HK1: variants seen among roughly 807,000 people sequenced by gnomAD.
The protein encoded by HK1 is hexokinase 1.
HK1 carries 28 observed loss-of-function variants against 91.6 expected under a neutral mutation model. That is an observed-to-expected ratio of 0.31 (90% CI 0.23 to 0.42). The LOEUF is 0.42. Among genes scored for constraint, HK1 ranks in the 10% least tolerant of loss-of-function variants. HK1 has a pLI of 1.00. For missense variants in HK1, 770 were observed against 1,219.8 expected (o/e 0.63, Z 5.49); for synonymous variants, 430 against 468.1 (o/e 0.92, Z 1.05).
chr10:69,344,317 C>T (rs1202840608), intron 2 of HK1, among the ~76,000 whole-genome samples: 3 of 152,174 alleles, frequency 2.0e-5, no homozygotes, highest in East Asian at 3.8e-4. Context: ...TTATGGGTCT[C>T]GCAGATACTG....
chr10:69,304,654 C>T (rs1016227042), intron 5 of HK1, among the ~76,000 whole-genome samples: 4 of 152,146 alleles, frequency 2.6e-5, no homozygotes, highest in Non-Finnish European at 5.9e-5. Context: ...AAAGTTAGTT[C>T]AGCCTATGAC....
chr10:69,345,165 C>T (rs1260913825), intron 2 of HK1, among the ~76,000 whole-genome samples: 6 of 152,054 alleles, frequency 3.9e-5, no homozygotes, highest in Admixed American at 1.3e-4. Flanking sequence ...GAGATTTGGA[C>T]GCTGATAAAG....
At chr10:69,283,807 A>AG (rs1844883971) in intron 2 of HK1, among the ~76,000 whole-genome samples, 4 of 150,180 alleles carry the variant, frequency 2.7e-5, no homozygotes, top group Non-Finnish European at 5.9e-5. Context: ...TCAAAAAAAA[A>AG]AAAAAAAAAA....
In HK1 at chr10:69,295,633, G is replaced by A. The variant is rs201626997; in HGVS notation, c.-114G>A. On this transcript the variant is annotated splice_region_variant and 5_prime_UTR_variant, in exon 4 of 22. Transcript: ENST00000360289. Reference sequence around the variant, plus strand: ...TTTACTTGTCCTGTCTTTCTCTAAGGCTACAGCAGCTGAAAAACCAAAACT... The same window carrying A: ...TTTACTTGTCCTGTCTTTCTCTAAGACTACAGCAGCTGAAAAACCAAAACT... The A allele has an allele frequency of 2.5e-6, 4 of 1,606,258 alleles. 1 individual carries two copies. The East Asian group carries it at 8.9e-5, about 36-fold the overall frequency.
intron 8 of HK1, among the ~76,000 whole-genome samples, chr10:69,379,578 A>C (rs1371075981): frequency 1.3e-5 from 2 of 152,112 alleles, no homozygotes; most frequent in African/African-American, 4.8e-5. Context: ...CCATTTCGCC[A>C]CCTGTTCAGA....
chr10:69,346,082 G>A (rs948448198), intron 2 of HK1, among the ~76,000 whole-genome samples: 1 of 152,094 alleles, frequency 6.6e-6, no homozygotes, highest in Non-Finnish European at 1.5e-5. Flanking sequence ...CTGCCCCTTC[G>A]TGTTGTGCCG....
chr10:69,388,899 AG>A (rs560825423), intron 13 of HK1, among the ~76,000 whole-genome samples: 575 of 152,362 alleles, frequency 3.8e-3, no homozygotes, highest in Non-Finnish European at 6.8e-3. Flanking sequence ...TCCAAAGGGA[AG>A]AAGCTATTTG....
intron 2 of HK1, among the ~76,000 whole-genome samples, chr10:69,354,937 T>C (rs1554819107): frequency 4.0e-5 from 6 of 151,826 alleles, no homozygotes; most frequent in Non-Finnish European, 1.5e-5. Context: ...AGCATGGTGG[T>C]GGACACCTGT....
At position 69,369,704 on chromosome 10, in the gene HK1, A is replaced by G; in HGVS notation, c.875+80A>G. On this transcript the variant is annotated intron_variant, in intron 7 of 17. Transcript: ENST00000359426. The surrounding 1 kb of genome is among the most constrained non-coding windows in gnomAD (Gnocchi z 4.4). ...GAAAGATTTGGGATGGGAGATGAAA[A>G]GGGCATAAAGCCAAGTGATCACAAA... The G allele has an allele frequency of 5.3e-6, 7 of 1,313,358 alleles. No homozygotes were observed. Among genetic ancestry groups the G allele is most frequent in the Admixed American group, 1.9e-5 (1 of 51,634 alleles). The allele number at this position is 1,313,358 out of a possible 1,614,324, so 81.4% of individuals were successfully genotyped here. A position where few individuals can be genotyped will look rare whatever the true frequency, so the allele number is the denominator to read the frequency against.
At chr10:69,274,323 C>T (rs149319143) in intron 1 of HK1, among the ~76,000 whole-genome samples, 225 of 152,122 alleles carry the variant, frequency 1.5e-3, no homozygotes, top group African/African-American at 5.3e-3. Flanking sequence ...TTTGCCCAGG[C>T]GCAGTGGCTC....
intron 14 of HK1, 122 bp from the exon 15 acceptor site, chr10:69,392,003 C>A: frequency 1.1e-6 from 1 of 893,510 alleles, no homozygotes; most frequent in Non-Finnish European, 1.8e-6. Flanking sequence ...AAAACTATTA[C>A]TTTGTTCATC....
chr10:69,282,212 C>T (rs995752053), intron 1 of HK1, among the ~76,000 whole-genome samples: 10 of 152,190 alleles, frequency 6.6e-5, no homozygotes, highest in Admixed American at 2.0e-4. Flanking sequence ...GTCCTTAGCA[C>T]AATCCCTGGC....
intron 1 of HK1, among the ~76,000 whole-genome samples, chr10:69,280,863 G>A (rs10762275): frequency 0.47 from 71,488 of 152,060 alleles, 18,899 homozygotes; most frequent in East Asian, 0.63. Context: ...GATGTGCTAG[G>A]TTCTTTCCAG....
intron 4 of HK1, among the ~76,000 whole-genome samples, chr10:69,300,188 T>A (rs1236219034): frequency 6.6e-6 from 1 of 151,738 alleles, no homozygotes; most frequent in Admixed American, 6.6e-5. Context: ...CAAAATCCCT[T>A]CACAGTCTTT....
At chr10:69,385,547 A>T (rs1206211404) in intron 12 of HK1, among the ~76,000 whole-genome samples, 1 of 152,214 alleles carries the variant, frequency 6.6e-6, no homozygotes, top group Non-Finnish European at 1.5e-5. Flanking sequence ...GTGCAGAGTC[A>T]CGGAGGCAAG....
Position 69,398,746 on chromosome 10 carries a change from G to T in HK1, c.2527G>T (p.Asp843Tyr). Residue 843 changes from aspartate (D) to tyrosine (Y), a missense_variant, in exon 17 of 18, where the codon GAT (aspartate) becomes TAT (tyrosine). By Grantham distance (160) the Asp-to-Tyr change is radical. Coordinates refer to ENST00000359426, the MANE Select transcript of HK1 (RefSeq NM_000188.3). ...LCGAGMAAVVDKIRENRGLDR... is the reference protein window; with the variant it reads ...LCGAGMAAVVYKIRENRGLDR... ...TGGCGCAGGCATGGCTGCGGTTGTGGATAAGATCCGCGAGAACAGAGGACT... is the reference window on the plus strand; with the variant it reads ...TGGCGCAGGCATGGCTGCGGTTGTGTATAAGATCCGCGAGAACAGAGGACT... 6.2e-7 allele frequency: 1 copy of T among 1,614,258 alleles called. No individual in the cohort carries two copies. Among genetic ancestry groups the T allele is most frequent in the African/African-American group, 1.3e-5 (1 of 75,080 alleles).
intron 1 of HK1, among the ~76,000 whole-genome samples, chr10:69,329,891 C>T (rs1306688247): frequency 1.3e-5 from 2 of 152,052 alleles, no homozygotes; most frequent in African/African-American, 4.8e-5. Context: ...TGAGCCCCTT[C>T]CACTTGGGAA....
chr10:69,316,734 G>T (rs768126136), upstream of HK1, among the ~76,000 whole-genome samples: 4 of 152,226 alleles, frequency 2.6e-5, no homozygotes, highest in Non-Finnish European at 4.4e-5. Flanking sequence ...CTGGTGGCTG[G>T]GTTAAGGGCC....
chr10:69,349,249 C>T (rs1848721804), intron 2 of HK1, among the ~76,000 whole-genome samples: 1 of 152,168 alleles, frequency 6.6e-6, no homozygotes, highest in South Asian at 2.1e-4. Flanking sequence ...CCTGTGTGAC[C>T]TTGGAGAAGC....
Sources: allele counts gnomAD v4.1 joint callset (sites outside exome capture counted in the v4.1 genomes callset), GRCh38; gene constraint gnomAD v4.1.1; non-coding constraint Gnocchi (gnomAD v3.1); transcripts MANE v1.5; gene names NCBI Gene and HGNC (gene_info 2026-07-23, HGNC 2026-07-21).